Variants in DYM observed in about 807,000 individuals in gnomAD.
DYM encodes the protein dymeclin.
In DYM, 78 loss-of-function variants were observed where a neutral mutation model predicts 93.1. The observed-to-expected ratio is 0.84, with a 90% CI of 0.70 to 1.01. The LOEUF is 1.01. Among genes scored for constraint, DYM ranks in the 50% least tolerant of loss-of-function variants. The probability of loss-of-function intolerance (pLI) is 0.00; values close to 1 mark genes in which losing one functional copy is unlikely to be tolerated. For missense variants in DYM, 789 were observed against 845.0 expected, an observed-to-expected ratio of 0.93 and a Z score of 0.82; for synonymous variants, 321 against 319.7, an observed-to-expected ratio of 1.00 and a Z score of -0.04.
At chr18:49,142,046 T>G (rs1367754833) in intron 15 of DYM, among the ~76,000 whole-genome samples, 1 of 150,870 alleles carries the variant, frequency 6.6e-6, no homozygotes, top group Non-Finnish European at 1.5e-5. Context: ...GTATCTTTAG[T>G]AGACAGGGGT....
In DYM at chr18:49,356,192, C is replaced by T. The variant is rs148247273; in HGVS notation, c.494+6969G>A. Among the ~76,000 whole-genome samples the T allele has an allele frequency of 1.6e-4, 25 of 152,212 alleles. No homozygotes were observed. In the East Asian group the frequency reaches 4.8e-3, roughly 29 times the overall value. On this transcript the variant is annotated intron_variant, in intron 6 of 17. Coordinates refer to ENST00000675505, the MANE Select transcript of DYM (RefSeq NM_001353214.3). ...TGTTTGTTGGGAGAATTAAAATTTG[C>T]AGTTATTAATGTCAAATCACTTTAT...
chr18:49,280,537 G>T (rs1276660559), intron 10 of DYM, among the ~76,000 whole-genome samples: 3 of 152,088 alleles, frequency 2.0e-5, no homozygotes, highest in Non-Finnish European at 4.4e-5. Context: ...GAGATTTTTG[G>T]AAGACCTGAA....
intron 14 of DYM, among the ~76,000 whole-genome samples, chr18:49,176,733 G>T (rs547669358): frequency 1.1e-4 from 16 of 151,754 alleles, no homozygotes; most frequent in Admixed American, 4.6e-4. Flanking sequence ...ATTTTGACTA[G>T]ATTTGGTCAG....
chr18:49,449,480 G>A (rs929725778), intron 1 of DYM, among the ~76,000 whole-genome samples: 4 of 152,170 alleles, frequency 2.6e-5, no homozygotes, highest in Non-Finnish European at 4.4e-5. Flanking sequence ...TTCTTTCACA[G>A]TGTACAATGG....
chr18:49,216,515 G>C (rs2093055340), intron 13 of DYM, among the ~76,000 whole-genome samples: 1 of 152,168 alleles, frequency 6.6e-6, no homozygotes, highest in Non-Finnish European at 1.5e-5. Flanking sequence ...AGTAGGGGCA[G>C]ACTGACATCT....
At chr18:49,076,595 G>A (rs917025029) in intron 17 of DYM, among the ~76,000 whole-genome samples, 2 of 152,170 alleles carry the variant, frequency 1.3e-5, no homozygotes, top group Non-Finnish European at 1.5e-5. Context: ...TGTACATTCT[G>A]CTTTAAAACA....
chr18:49,426,978 A>G (rs77987461), intron 2 of DYM, among the ~76,000 whole-genome samples: 16,022 of 152,200 alleles, frequency 0.11, 1,027 homozygotes, highest in East Asian at 0.31. Context: ...AATTGATGAC[A>G]TAAAGTCCTC....
chr18:49,453,529 C>T (rs1213629607), intron 1 of DYM, among the ~76,000 whole-genome samples: 1 of 152,142 alleles, frequency 6.6e-6, no homozygotes, highest in African/African-American at 2.4e-5. Context: ...ATCCGAAAAT[C>T]AGAAGGAACA....
At chr18:49,318,668 A>G (rs747186000) in intron 8 of DYM, among the ~76,000 whole-genome samples, 1 of 152,142 alleles carries the variant, frequency 6.6e-6, no homozygotes, top group Non-Finnish European at 1.5e-5. Flanking sequence ...CTTTAAAAAT[A>G]AGGGTCCCAC....
chr18:49,455,524 C>T (rs563753679), intron 1 of DYM, among the ~76,000 whole-genome samples: 1 of 152,122 alleles, frequency 6.6e-6, no homozygotes, highest in Non-Finnish European at 1.5e-5. Context: ...TATATTAGTC[C>T]CATTATACAG....
chr18:49,291,486 A>C (rs1359974559), intron 8 of DYM, among the ~76,000 whole-genome samples: 1 of 152,180 alleles, frequency 6.6e-6, no homozygotes, highest in Non-Finnish European at 1.5e-5. Context: ...GTTATGGGGG[A>C]AGGGGGGAAA....
rs76214992 is a variant in DYM, at chr18:49,375,083, G to T, written c.421+3484C>A. On this transcript the variant is annotated intron_variant, in intron 5 of 17. Transcript: ENST00000675505. ...GGCTGATCTACAGTGAAACTGGAGA[G>T]TTGTTTCCCCTGAGAAGACAAGGTA... Among the ~76,000 whole-genome samples, 90 of 152,080 alleles carry T rather than the reference G, an allele frequency of 5.9e-4. 1 individual carries two copies. In the East Asian group the frequency reaches 0.015, roughly 26 times the overall value.
intron 14 of DYM, among the ~76,000 whole-genome samples, chr18:49,201,303 T>C (rs1369734419): frequency 6.6e-6 from 1 of 152,202 alleles, no homozygotes; most frequent in Non-Finnish European, 1.5e-5. Flanking sequence ...TCTCTCAATA[T>C]CATACTTCAA....
At chr18:49,056,081 G>A (rs897717817) in intron 17 of DYM, among the ~76,000 whole-genome samples, 2 of 152,188 alleles carry the variant, frequency 1.3e-5, no homozygotes, top group African/African-American at 4.8e-5. Context: ...GGTGCAGGCT[G>A]AAGGAAACTT....
At chr18:49,164,393 G>A (rs1197769529) in intron 14 of DYM, among the ~76,000 whole-genome samples, 3 of 152,106 alleles carry the variant, frequency 2.0e-5, no homozygotes, top group African/African-American at 7.2e-5. Context: ...GTGAAGTAAA[G>A]GATTATAATC....
At chr18:49,256,680 T>C (rs941506268) in intron 13 of DYM, among the ~76,000 whole-genome samples, 5 of 152,228 alleles carry the variant, frequency 3.3e-5, no homozygotes, top group Non-Finnish European at 7.3e-5. Flanking sequence ...CTTAAAAGTG[T>C]AGTGTGATGC....
chr18:49,069,208 T>C (rs2076698035), intron 17 of DYM, among the ~76,000 whole-genome samples: 1 of 152,236 alleles, frequency 6.6e-6, no homozygotes, highest in East Asian at 1.9e-4. Flanking sequence ...TAAATTGTTA[T>C]ACACCAAATC....
intron 17 of DYM, among the ~76,000 whole-genome samples, chr18:49,051,801 C>T (rs74475730): frequency 0.044 from 6,632 of 152,246 alleles, 269 homozygotes; most frequent in East Asian, 0.14. Flanking sequence ...GGCCTGGTCC[C>T]CTCCACAGAC....
intron 14 of DYM, among the ~76,000 whole-genome samples, chr18:49,202,494 G>C (rs1461596212): frequency 7.4e-6 from 1 of 135,464 alleles, no homozygotes; most frequent in Non-Finnish European, 1.6e-5. Flanking sequence ...TGGCTGCCCA[G>C]TCTGGAAAGT....
Sources: allele counts gnomAD v4.1 joint callset (sites outside exome capture counted in the v4.1 genomes callset), GRCh38; gene constraint gnomAD v4.1.1; transcripts MANE v1.5; gene names NCBI Gene and HGNC (gene_info 2026-07-23, HGNC 2026-07-21).